The following CHID1 variants were observed in gnomAD, a reference collection of about 807,000 sequenced individuals.
CHID1 encodes chitinase domain-containing protein 1.
In CHID1, 44 loss-of-function variants were observed where a neutral mutation model predicts 55.4. That is an observed-to-expected ratio of 0.79 (90% CI 0.62 to 1.02). The LOEUF is 1.02. Ranked by LOEUF, CHID1 falls within the 50% of genes least tolerant of loss-of-function variation. The probability of loss-of-function intolerance (pLI) is 0.00; values close to 1 mark genes in which losing one functional copy is unlikely to be tolerated. For synonymous variants in CHID1, 216 were observed against 212.9 expected, an observed-to-expected ratio of 1.01 and a Z score of -0.13; for missense variants, 491 against 515.3, an observed-to-expected ratio of 0.95 and a Z score of 0.46.
At chr11:876,497 T>C (rs1849526543) in intron 10 of CHID1, among the ~76,000 whole-genome samples, 1 of 152,106 alleles carries the variant, frequency 6.6e-6, no homozygotes, top group South Asian at 2.1e-4. Context: ...AGGAGTGCCG[T>C]CCACTCGTAG....
rs2134091044 is a variant in CHID1 at position 868,901 on chromosome 11, C to A, written c.*957G>T. On this transcript the variant is annotated 3_prime_UTR_variant, in exon 13 of 13. Transcript: ENST00000323578. ...CCCGGGACATGTACCCACCTATGCCCTCTACTGCCCACCTCAGCCCTGTGG... is the reference window on the plus strand; with the variant it reads ...CCCGGGACATGTACCCACCTATGCCATCTACTGCCCACCTCAGCCCTGTGG... The A allele has an allele frequency of 6.6e-6, 1 of 152,326 alleles. No individual in the cohort carries two copies. Among genetic ancestry groups the A allele is most frequent in the East Asian group, 1.9e-4 (1 of 5,170 alleles). The allele number at this position is 152,326 out of a possible 1,614,324, so 9.4% of individuals were successfully genotyped here. A position where few individuals can be genotyped will look rare whatever the true frequency, so the allele number is the denominator to read the frequency against.
intron 10 of CHID1, among the ~76,000 whole-genome samples, chr11:873,488 C>A (rs1849305151): frequency 1.3e-5 from 2 of 151,990 alleles, no homozygotes; most frequent in East Asian, 3.9e-4. Context: ...GAGCGAGGGG[C>A]CTGCCTGGGA....
upstream of CHID1, chr11:914,680 A>C: frequency 1.7e-6 from 1 of 575,776 alleles, no homozygotes; most frequent in Non-Finnish European, 2.8e-6. Flanking sequence ...CTGTGATTGC[A>C]CTGCTGCACT....
intron 4 of CHID1, among the ~76,000 whole-genome samples, 188 bp from the exon 5 acceptor site, chr11:901,168 C>T (rs924248989): frequency 2.0e-5 from 3 of 151,930 alleles, no homozygotes; most frequent in African/African-American, 7.3e-5. Context: ...CTGACCCCAA[C>T]TCTCCACCCT....
At chr11:882,900 C>CCAGCCTCACGCAGATGTGGGGA (rs372592621) in intron 10 of CHID1, 7 of 464,902 alleles carry the variant, frequency 1.5e-5, no homozygotes, top group Admixed American at 3.8e-5. Context: ...AGCCTCAGTC[C>CCAGCCTCACGCAGATGTGGGGA]CAGCCTCACG....
chr11:892,091 G>A (rs1850878472), intron 8 of CHID1, among the ~76,000 whole-genome samples: 1 of 152,148 alleles, frequency 6.6e-6, no homozygotes, highest in South Asian at 2.1e-4. Context: ...CTCCAGCCTG[G>A]GCGACAGAGT....
rs766738061 is a variant in CHID1 at position 903,092 on chromosome 11, G to A, written c.131C>T (p.Pro44Leu). The change falls in exon 3 of 13, where the codon CCG (proline) becomes CTG (leucine). Residue 44 changes from proline to leucine, a missense_variant. Coordinates refer to ENST00000323578, the MANE Select transcript of CHID1 (RefSeq NM_023947.4). ...CACCACCAAACCCCGGTCTTGCACC[G>A]GCTTATCTGAAAACTGACTCTGAAA... Reference protein sequence around the residue: ...LLEKSQFSDKPVQDRGLVVTD... With the variant: ...LLEKSQFSDKLVQDRGLVVTD... The A allele has an allele frequency of 3.5e-5, 56 of 1,611,632 alleles. No individual in the cohort carries two copies. Among genetic ancestry groups the A allele is most frequent in the Non-Finnish European group, 3.6e-5 (42 of 1,179,988 alleles).
intron 6 of CHID1, 58 bp downstream of exon 6, chr11:899,946 C>T (rs572881216): frequency 2.2e-5 from 29 of 1,339,586 alleles, no homozygotes; most frequent in South Asian, 8.3e-5. Flanking sequence ...CCCAGCCAGA[C>T]GGCCAGGTGG....
At chr11:906,175 C>A (rs1484524005) in intron 1 of CHID1, among the ~76,000 whole-genome samples, 1 of 151,678 alleles carries the variant, frequency 6.6e-6, no homozygotes, top group Admixed American at 6.6e-5. Flanking sequence ...CTCAGGTGAT[C>A]TGCCCACCTC....
At chr11:899,966 G>C (rs1230703684) in intron 6 of CHID1, 38 bp downstream of exon 6, 2 of 1,512,228 alleles carry the variant, frequency 1.3e-6, no homozygotes, top group South Asian at 1.1e-5. Context: ...GGACCCGGGG[G>C]GCTGTGCTCA....
chr11:893,208 C>T (rs1326899581), intron 8 of CHID1, among the ~76,000 whole-genome samples: 3 of 152,236 alleles, frequency 2.0e-5, no homozygotes, highest in East Asian at 1.9e-4. Flanking sequence ...GTCCACTTGG[C>T]CCCCAGGTCT....
intron 10 of CHID1, among the ~76,000 whole-genome samples, chr11:872,089 C>G (rs887538269): frequency 6.6e-6 from 1 of 152,214 alleles, no homozygotes; most frequent in Non-Finnish European, 1.5e-5. Context: ...CAGACCCCGG[C>G]AAACACATGG....
At chr11:892,595 A>T (rs1850925828) in intron 8 of CHID1, among the ~76,000 whole-genome samples, 1 of 152,230 alleles carries the variant, frequency 6.6e-6, no homozygotes, top group African/African-American at 2.4e-5. Flanking sequence ...GAAGGGTCTA[A>T]GCACTGCCTG....
rs540030076 is a variant in CHID1, at chr11:887,662, T to A, written c.702-3493A>T. The stretch of plus-strand genomic sequence containing the variant: ...GCAGCTTCTACTCTGCAGGGGCCTG[T>A]CCCACAGTCCAACCCCTCCCCTGTG... On this transcript the variant is annotated intron_variant, in intron 8 of 12. Coordinates refer to ENST00000323578, the MANE Select transcript of CHID1 (RefSeq NM_023947.4). 5.7e-4 allele frequency among the ~76,000 whole-genome samples: 87 copies of A among 152,304 alleles called. 2 individuals carry two copies. The highest frequency in any genetic ancestry group is 3.9e-3 in the South Asian group (19 of 4,826).
intron 8 of CHID1, among the ~76,000 whole-genome samples, chr11:892,161 C>A (rs28608788): frequency 0.99 from 150,993 of 152,284 alleles, 74,873 homozygotes; most frequent in Middle Eastern, 1. Flanking sequence ...GGGGGCCCCA[C>A]ACCCGGGACA....
intron 10 of CHID1, among the ~76,000 whole-genome samples, chr11:877,373 G>C (rs2134135133): frequency 6.6e-6 from 1 of 152,334 alleles, no homozygotes; most frequent in Admixed American, 6.5e-5. Context: ...CCTCCTGAGT[G>C]GCTGGGACCA....
chr11:914,974 T>C (rs1398283003), upstream of CHID1: 1 of 195,302 alleles, frequency 5.1e-6, no homozygotes, highest in African/African-American at 2.4e-5. Flanking sequence ...TGGGCCACTA[T>C]TGCTGACCAC....
intron 1 of CHID1, among the ~76,000 whole-genome samples, chr11:910,415 G>C (rs1478191005): frequency 6.6e-6 from 1 of 152,120 alleles, no homozygotes; most frequent in African/African-American, 2.4e-5. Context: ...CACATCCCTT[G>C]TCTGCGCACT....
intron 2 of CHID1, among the ~76,000 whole-genome samples, chr11:904,168 C>T (rs138461702): frequency 0.013 from 1,988 of 152,318 alleles, 20 homozygotes; most frequent in Non-Finnish European, 0.02. Flanking sequence ...GTTTATTTGC[C>T]CCCATACAGC....
Sources: allele counts gnomAD v4.1 joint callset (sites outside exome capture counted in the v4.1 genomes callset), GRCh38; gene constraint gnomAD v4.1.1; transcripts MANE v1.5; gene names NCBI Gene and HGNC (gene_info 2026-07-23, HGNC 2026-07-21).